Variants in CILK1 observed in about 807,000 individuals in gnomAD.
CILK1 encodes the protein ciliogenesis associated kinase 1, also known as serine/threonine-protein kinase ICK.
Under a neutral mutation model 79.2 loss-of-function variants are expected in CILK1, and 47 were observed. The observed-to-expected ratio is 0.59, with a 90% CI of 0.47 to 0.76. The LOEUF (loss-of-function observed/expected upper bound fraction) is 0.76. Ranked by LOEUF, CILK1 falls within the 30% of genes least tolerant of loss-of-function variation. The probability of loss-of-function intolerance (pLI) is 0.00; values close to 1 mark genes in which losing one functional copy is unlikely to be tolerated. For synonymous variants in CILK1, 266 were observed against 275.9 expected, an observed-to-expected ratio of 0.96 and a Z score of 0.36; for missense variants, 660 against 769.5, an observed-to-expected ratio of 0.86 and a Z score of 1.68.
At chr6:53,020,390 T>C (rs1346802378) in intron 5 of CILK1, among the ~76,000 whole-genome samples, 3 of 152,218 alleles carry the variant, frequency 2.0e-5, no homozygotes, top group Non-Finnish European at 2.9e-5. Context: ...ACACCAATAC[T>C]GGAAATACAA....
chr6:53,002,170 A>T lies in CILK1; in HGVS notation c.*2979T>A, dbSNP rs1763972977. Reference sequence around the variant, plus strand: ...GGGTGAGGGCTTGGTAATTAATGGAATTTTTTTGTAAAATGAACAATCATG... The same window carrying T: ...GGGTGAGGGCTTGGTAATTAATGGATTTTTTTTGTAAAATGAACAATCATG... On this transcript the variant is annotated 3_prime_UTR_variant, in exon 14 of 14. Transcript: ENST00000676107. 1 of 152,182 alleles carries T rather than the reference A, an allele frequency of 6.6e-6. No individual in the cohort carries two copies. The allele number at this position is 152,182 out of a possible 1,614,324, so 9.4% of individuals were successfully genotyped here.
At chr6:53,008,650 T>C (rs1340497294) in intron 12 of CILK1, among the ~76,000 whole-genome samples, 2 of 151,970 alleles carry the variant, frequency 1.3e-5, no homozygotes, top group Non-Finnish European at 2.9e-5. Context: ...GGTCTCAAAC[T>C]CCTGACCTCA....
chr6:53,012,291 A>G, intron 9 of CILK1, 64 bp from the exon 10 acceptor site: 1 of 1,461,584 alleles, frequency 6.8e-7, no homozygotes, highest in Non-Finnish European at 9.6e-7. Context: ...TCCATGAGTA[A>G]TCTCCATCTG....
Position 53,005,159 on chromosome 6 carries a change from G to A in CILK1, c.1889C>T (p.Ser630Phe). 6.2e-7 allele frequency: 1 copy of A among 1,614,194 alleles called. No individual in the cohort carries two copies. The highest frequency in any genetic ancestry group is 8.5e-7 in the Non-Finnish European group (1 of 1,180,050). Reference protein sequence around the residue: ...GRTDWASKYASRR With the variant: ...GRTDWASKYAFRR ...CACCAAGGCAGACAGTCATCGCCGAGATGCGTACTTGGAAGCCCAGTCTGT... is the reference window on the plus strand; with the variant it reads ...CACCAAGGCAGACAGTCATCGCCGAAATGCGTACTTGGAAGCCCAGTCTGT... Residue 630 changes from serine to phenylalanine, a missense_variant, in exon 14 of 14, where the codon TCT (serine) becomes TTT (phenylalanine). Physicochemically the swap from Ser to Phe is radical, Grantham distance 155. Coordinates refer to ENST00000676107, the MANE Select transcript of CILK1 (RefSeq NM_014920.5).
chr6:53,033,745 C>T (rs1025802346), intron 3 of CILK1, among the ~76,000 whole-genome samples: 3 of 152,156 alleles, frequency 2.0e-5, no homozygotes, highest in African/African-American at 7.2e-5. Context: ...CAAATATCCT[C>T]ATCTAGAAGA....
chr6:53,057,485 C>T (rs1767990865), intron 1 of CILK1, among the ~76,000 whole-genome samples: 1 of 152,188 alleles, frequency 6.6e-6, no homozygotes, highest in African/African-American at 2.4e-5. Context: ...ACTACAAGTT[C>T]ACGCAGATAG....
intron 5 of CILK1, among the ~76,000 whole-genome samples, chr6:53,021,047 G>A (rs1408942131): frequency 2.0e-5 from 3 of 152,158 alleles, no homozygotes; most frequent in Non-Finnish European, 4.4e-5. Context: ...TCAGCTAGGC[G>A]CGGTGGCTCA....
chr6:53,061,420 A>C lies in CILK1; in HGVS notation c.-173+176T>G, dbSNP rs531080981. Among the ~76,000 whole-genome samples the C allele has an allele frequency of 2.6e-5, 4 of 152,346 alleles. No individual in the cohort carries two copies. The South Asian group carries it at 8.3e-4, about 32-fold the overall frequency. ...AATCCTCCAGGCTCCGAGTTTTCAT[A>C]CCAGGAAGGAGAGATCCACAGGATC... On this transcript the variant is annotated intron_variant, in intron 1 of 13. Coordinates refer to ENST00000676107, the MANE Select transcript of CILK1 (RefSeq NM_014920.5).
intron 5 of CILK1, among the ~76,000 whole-genome samples, chr6:53,028,385 C>G (rs1765715747): frequency 6.6e-6 from 1 of 152,176 alleles, no homozygotes; most frequent in Non-Finnish European, 1.5e-5. Context: ...TGAGCACAGG[C>G]AGGTTTTTCT....
rs777625918 is a variant in CILK1, at chr6:53,019,340, T to G, written c.378A>C (p.Leu126Phe). 6.2e-7 allele frequency: 1 copy of G among 1,614,014 alleles called. No homozygotes were observed. The highest frequency in any genetic ancestry group is 2.2e-5 in the East Asian group (1 of 44,876). The part of the protein sequence containing the change: ...IHKHGFFHRD[L>F]KPENLLCMGP... The stretch of plus-strand genomic sequence containing the variant: ...CCATGCAGAGGAGGTTCTCAGGCTT[T>G]AAGTCTCGATGAAAGAAGCCTATAG... Residue 126 changes from leucine to phenylalanine, a missense_variant, in exon 6 of 14, where the codon TTA becomes TTC. Physicochemically the swap from Leu to Phe is conservative, Grantham distance 22 (BLOSUM62 0). Coordinates refer to ENST00000676107, the MANE Select transcript of CILK1 (RefSeq NM_014920.5).
chr6:53,018,627 T>G (rs1765037022), intron 6 of CILK1, 126 bp from the exon 7 acceptor site: 2 of 966,520 alleles, frequency 2.1e-6, no homozygotes. Context: ...TGTGGTGTAA[T>G]GGAATTGTGA....
In CILK1 at chr6:53,041,281, T is replaced by C; in HGVS notation, c.-45A>G. 7.1e-7 allele frequency: 1 copy of C among 1,408,544 alleles called. No individual in the cohort carries two copies. Among genetic ancestry groups the C allele is most frequent in the Non-Finnish European group, 1.0e-6 (1 of 997,028 alleles). 87.3% of individuals were successfully genotyped at this position (1,408,544 alleles called of 1,614,324 possible). A position where few individuals can be genotyped will look rare whatever the true frequency, so the allele number is the denominator to read the frequency against. On this transcript the variant is annotated 5_prime_UTR_variant, in exon 2 of 14. Transcript: ENST00000676107. ...GACACTCATCTCACGGCCGAAGTGG[T>C]TCAGTTCTGCAGTGGTAGCAGTCCT... is the stretch of plus-strand genomic sequence containing the variant.
Position 53,041,163 on chromosome 6 carries a change from T to G in CILK1, c.74A>C (p.Glu25Ala), listed in dbSNP as rs1443066662. 2 of 1,613,588 alleles carry G rather than the reference T, an allele frequency of 1.2e-6. No individual in the cohort carries two copies. Among genetic ancestry groups the G allele is most frequent in the Admixed American group, 3.3e-5 (2 of 60,022 alleles). The stretch of plus-strand genomic sequence containing the variant: ...TTTAATAGCGATCAGCTCCCCAGAC[T>G]CAATGCTTCTTCCCAGCAGGACGGA... ...YGSVLLGRSIESGELIAIKKM... is the reference protein window; with the variant it reads ...YGSVLLGRSIASGELIAIKKM... The change falls in exon 2 of 14, where the codon GAG becomes GCG. Residue 25 changes from glutamate to alanine, a missense_variant. Physicochemically the swap from Glu to Ala is moderately radical, Grantham distance 107. Transcript: ENST00000676107.
Position 53,005,101 on chromosome 6 carries a change from AAGT to A in CILK1, c.*45_*47del. ...GGTAGAACACCAGTCAGCTGAGGGA[AAGT>A]ATCCTGCTTCTCCCTAGGAAGAGAT... On this transcript the variant is annotated 3_prime_UTR_variant, in exon 14 of 14. Coordinates refer to ENST00000676107, the MANE Select transcript of CILK1 (RefSeq NM_014920.5). 1.2e-6 allele frequency: 2 copies of A among 1,606,274 alleles called. 1 individual carries two copies. The highest frequency in any genetic ancestry group is 2.2e-5 in the South Asian group (2 of 90,866).
In CILK1 at chr6:53,032,550, G is replaced by A. The variant is rs748043005; in HGVS notation, c.261C>T (p.Tyr87=). Residue 87 remains tyrosine, a synonymous_variant, in exon 4 of 14, where the codon TAC becomes TAT. Coordinates refer to ENST00000676107, the MANE Select transcript of CILK1 (RefSeq NM_014920.5). ...AACTGTACCTCTCTTTAATGAGCTG[G>A]TAAAGATTTTCCTTCATGTACTCGA... ...FIFEYMKENL[Y]QLIKERNKLF... The A allele has an allele frequency of 2.4e-5, 39 of 1,607,100 alleles. No individual in the cohort carries two copies. Among genetic ancestry groups the A allele is most frequent in the Non-Finnish European group, 3.1e-5 (36 of 1,175,284 alleles).
At chr6:53,057,242 C>T (rs2127473372) in intron 1 of CILK1, among the ~76,000 whole-genome samples, 1 of 152,250 alleles carries the variant, frequency 6.6e-6, no homozygotes, top group South Asian at 2.1e-4. Context: ...CACATGTTAT[C>T]AATACTTTAT....
intron 2 of CILK1, among the ~76,000 whole-genome samples, chr6:53,038,318 A>G (rs1766488457): frequency 6.6e-6 from 1 of 152,210 alleles, no homozygotes; most frequent in African/African-American, 2.4e-5. Context: ...GTCCAGCAGA[A>G]CTTTCTATAT....
rs951188905 is a variant in CILK1 at position 53,002,088 on chromosome 6, T to A, written c.*3061A>T. ...TAGTCCTTTAGGCAAGAGATACATT[T>A]AAAAAATTATTTGAAAATCAAGTTT... On this transcript the variant is annotated 3_prime_UTR_variant, in exon 14 of 14. Coordinates refer to ENST00000676107, the MANE Select transcript of CILK1 (RefSeq NM_014920.5). 9 of 152,428 alleles carry A rather than the reference T, an allele frequency of 5.9e-5. No individual in the cohort carries two copies. Among genetic ancestry groups the A allele is most frequent in the Non-Finnish European group, 8.8e-5 (6 of 68,042 alleles). The allele number at this position is 152,428 out of a possible 1,614,324, so 9.4% of individuals were successfully genotyped here.
At chr6:53,028,143 T>C (rs1358398006) in intron 5 of CILK1, among the ~76,000 whole-genome samples, 1 of 91,624 alleles carries the variant, frequency 1.1e-5, no homozygotes, top group Non-Finnish European at 2.1e-5. Flanking sequence ...CGAGACTCCG[T>C]CTCAAAAAAA....
Sources: gnomAD v4.1 joint callset for allele counts (sites outside exome capture counted in the v4.1 genomes callset) on GRCh38, gnomAD v4.1.1 for gene constraint, MANE v1.5 for transcripts, NCBI Gene and HGNC (gene_info 2026-07-23, HGNC 2026-07-21) for gene names.